The following PIEZO2 variants were observed in gnomAD, a reference collection of about 807,000 sequenced individuals.
PIEZO2 encodes piezo-type mechanosensitive ion channel component 2.
In PIEZO2, 172 loss-of-function variants were observed where a neutral mutation model predicts 337.3. That is an observed-to-expected ratio of 0.51 (90% CI 0.45 to 0.58). PIEZO2 has a LOEUF of 0.58. PIEZO2 is among the 20% of genes least tolerant of loss of function. The pLI, the probability that PIEZO2 is intolerant of heterozygous loss-of-function variation, is 0.00. For missense variants in PIEZO2, 3,028 were observed against 3,391.3 expected (o/e 0.89, Z 2.66); for synonymous variants, 1,251 against 1,228.5 (o/e 1.02, Z -0.38).
Position 10,828,359 on chromosome 18 carries a change from C to T in PIEZO2, c.918-21085G>A, listed in dbSNP as rs1397252577. ...ACTAACTAACCTGGACATCAGACAA[C>T]GAACCTCTTCAGAATGAGAAATGGA... On this transcript the variant is annotated intron_variant, in intron 7 of 55. Coordinates refer to ENST00000674853, the MANE Select transcript of PIEZO2 (RefSeq NM_001378183.1). This position sits in a 1 kb window ranked among gnomAD's most constrained non-coding sequence, Gnocchi z 4.1. Among the ~76,000 whole-genome samples the T allele has an allele frequency of 6.6e-6, 1 of 152,072 alleles. No individual in the cohort carries two copies. Among genetic ancestry groups the T allele is most frequent in the African/African-American group, 2.4e-5 (1 of 41,418 alleles).
At chr18:10,733,019 G>A (rs938650423) in intron 35 of PIEZO2, among the ~76,000 whole-genome samples, 5 of 152,100 alleles carry the variant, frequency 3.3e-5, no homozygotes, top group African/African-American at 1.2e-4. Flanking sequence ...GTGAATATGA[G>A]GCGCACAAGT....
At chr18:10,992,542 G>C (rs984593070) in intron 2 of PIEZO2, among the ~76,000 whole-genome samples, 1 of 152,106 alleles carries the variant, frequency 6.6e-6, no homozygotes, top group African/African-American at 2.4e-5. Flanking sequence ...GATGGTTGTA[G>C]ATGTGTGTGA....
chr18:10,703,051 G>A (rs2035410534), intron 42 of PIEZO2, among the ~76,000 whole-genome samples: 1 of 152,052 alleles, frequency 6.6e-6, no homozygotes, highest in Non-Finnish European at 1.5e-5. Flanking sequence ...ATGGGGTCGT[G>A]CTATGTTGCC....
chr18:10,977,928 G>A (rs1204195711), intron 3 of PIEZO2, among the ~76,000 whole-genome samples: 1 of 152,174 alleles, frequency 6.6e-6, no homozygotes, highest in Non-Finnish European at 1.5e-5. Flanking sequence ...AAGGGAATGA[G>A]AAATAATTAT....
At position 11,005,647 on chromosome 18, in the gene PIEZO2, G is replaced by A. The variant is rs117955782; in HGVS notation, c.161-25987C>T. ...CCTTCACTCATGCATTCCCAGTGGC[G>A]TGAGAGGCCCAGCTTAGCTGGCCGG... is the stretch of plus-strand genomic sequence containing the variant. On this transcript the variant is annotated intron_variant, in intron 2 of 55. Transcript: ENST00000674853. Among the ~76,000 whole-genome samples the A allele has an allele frequency of 5.4e-3, 817 of 152,324 alleles. 6 individuals carry two copies. Among genetic ancestry groups the A allele is most frequent in the Non-Finnish European group, 7.3e-3 (499 of 68,038 alleles).
chr18:11,107,039 C>G (rs2039589315), intron 1 of PIEZO2, among the ~76,000 whole-genome samples: 1 of 152,160 alleles, frequency 6.6e-6, no homozygotes, highest in Non-Finnish European at 1.5e-5. Context: ...TTGGTTGACC[C>G]CCCCAGTGCA....
In PIEZO2 at chr18:10,682,701, C is replaced by T. The variant is rs1190949534; in HGVS notation, c.7498-409G>A. On this transcript the variant is annotated intron_variant, in intron 49 of 55. Coordinates refer to ENST00000674853, the MANE Select transcript of PIEZO2 (RefSeq NM_001378183.1). This position sits in a 1 kb window ranked among gnomAD's most constrained non-coding sequence, Gnocchi z 5.6. Reference sequence around the variant, plus strand: ...AATTCCTGAATATTTAAAATCTGTGCCTTTCAGTTGACCCTTCCCTGCCCT... The same window carrying T: ...AATTCCTGAATATTTAAAATCTGTGTCTTTCAGTTGACCCTTCCCTGCCCT... Among the ~76,000 whole-genome samples, 1 of 152,112 alleles carries T rather than the reference C, an allele frequency of 6.6e-6. No homozygotes were observed. Among genetic ancestry groups the T allele is most frequent in the African/African-American group, 2.4e-5 (1 of 41,392 alleles).
chr18:10,832,983 C>A (rs2040894104), intron 7 of PIEZO2, among the ~76,000 whole-genome samples: 2 of 152,210 alleles, frequency 1.3e-5, no homozygotes, highest in Admixed American at 1.3e-4. Flanking sequence ...GCACTCTCCT[C>A]ACACAGCTGC....
chr18:10,939,609 C>T (rs920103233), intron 3 of PIEZO2, among the ~76,000 whole-genome samples: 3 of 152,148 alleles, frequency 2.0e-5, no homozygotes, highest in African/African-American at 4.8e-5. Context: ...GAGTTCATGT[C>T]CTTTGCAGGG....
intron 10 of PIEZO2, 117 bp downstream of exon 10, chr18:10,801,273 G>T: frequency 1.2e-6 from 1 of 867,088 alleles, no homozygotes; most frequent in Non-Finnish European, 1.7e-6. Flanking sequence ...GCCCAAAAAT[G>T]GAAAAGCTTA....
At chr18:10,786,215 C>A (rs2039217790) in intron 16 of PIEZO2, among the ~76,000 whole-genome samples, 1 of 152,198 alleles carries the variant, frequency 6.6e-6, no homozygotes, top group Non-Finnish European at 1.5e-5. Flanking sequence ...CCTTCACAGA[C>A]CTGTCACAAA....
intron 2 of PIEZO2, among the ~76,000 whole-genome samples, chr18:11,030,308 A>G (rs2036684266): frequency 6.6e-6 from 1 of 152,246 alleles, no homozygotes; most frequent in East Asian, 1.9e-4. Flanking sequence ...AAAAAATGCC[A>G]AAGTGAAGGT....
chr18:10,876,417 T>C (rs2042270190), intron 4 of PIEZO2, among the ~76,000 whole-genome samples: 1 of 152,250 alleles, frequency 6.6e-6, no homozygotes, highest in South Asian at 2.1e-4. Context: ...AGTGCTGGGC[T>C]ACAGAATCTT....
rs1285942358 is a variant in PIEZO2, at chr18:11,083,268, C to T, written c.65-17046G>A. On this transcript the variant is annotated intron_variant, in intron 1 of 55. Transcript: ENST00000674853. This position sits in a 1 kb window ranked among gnomAD's most constrained non-coding sequence, Gnocchi z 4.4. ...TGTTTTAACTTCATTTTATGTCCAG[C>T]TACTCTAAAAAGCTACTTTGTGGTT... Among the ~76,000 whole-genome samples the T allele has an allele frequency of 6.6e-6, 1 of 152,208 alleles. No individual in the cohort carries two copies. Among genetic ancestry groups the T allele is most frequent in the East Asian group, 1.9e-4 (1 of 5,204 alleles).
Position 11,031,259 on chromosome 18 carries a change from A to C in PIEZO2, c.160+34868T>G, listed in dbSNP as rs556444036. Among the ~76,000 whole-genome samples the C allele has an allele frequency of 6.6e-6, 1 of 151,722 alleles. No individual in the cohort carries two copies. The highest frequency in any genetic ancestry group is 2.4e-5 in the African/African-American group (1 of 41,334). On this transcript the variant is annotated intron_variant, in intron 2 of 55. Transcript: ENST00000674853. This position sits in a 1 kb window ranked among gnomAD's most constrained non-coding sequence, Gnocchi z 4.7. ...CGTGATCCACCCACCTCAGCCTCCC[A>C]AAGTGCTGGGATTACAGGCGTGAGC...
chr18:10,735,681 AC>A (rs2036967873), intron 34 of PIEZO2, among the ~76,000 whole-genome samples: 1 of 152,202 alleles, frequency 6.6e-6, no homozygotes, highest in Non-Finnish European at 1.5e-5. Context: ...GAAGAAACAG[AC>A]ACAAGAAGCA....
At position 11,028,059 on chromosome 18, in the gene PIEZO2, A is replaced by C. The variant is rs530993859; in HGVS notation, c.160+38068T>G. On this transcript the variant is annotated intron_variant, in intron 2 of 55. Transcript: ENST00000674853. This position sits in a 1 kb window ranked among gnomAD's most constrained non-coding sequence, Gnocchi z 4.8. ...GTGGCTAGTCCAAGCACCGTCACAGAGGGACAAGCAGTAGCTGCTTCTGTT... is the reference window on the plus strand; with the variant it reads ...GTGGCTAGTCCAAGCACCGTCACAGCGGGACAAGCAGTAGCTGCTTCTGTT... 6.6e-6 allele frequency among the ~76,000 whole-genome samples: 1 copy of C among 152,254 alleles called. No individual in the cohort carries two copies. The highest frequency in any genetic ancestry group is 2.1e-4 in the South Asian group (1 of 4,818).
intron 3 of PIEZO2, among the ~76,000 whole-genome samples, chr18:10,949,293 C>G (rs927126177): frequency 6.6e-6 from 1 of 152,142 alleles, no homozygotes; most frequent in Non-Finnish European, 1.5e-5. Context: ...TTGCCCTTCA[C>G]ATAATCAATG....
At chr18:10,800,816 C>T (rs535065247) in intron 10 of PIEZO2, among the ~76,000 whole-genome samples, 23 of 152,360 alleles carry the variant, frequency 1.5e-4, no homozygotes, top group African/African-American at 5.3e-4. Context: ...CAGCCTCAGC[C>T]TTTGCTACTG....
Sources: allele counts gnomAD v4.1 joint callset (sites outside exome capture counted in the v4.1 genomes callset), GRCh38; gene constraint gnomAD v4.1.1; non-coding constraint Gnocchi (gnomAD v3.1); transcripts MANE v1.5; gene names NCBI Gene and HGNC (gene_info 2026-07-23, HGNC 2026-07-21).